Variants in TTN observed in about 807,000 individuals in gnomAD.
TTN encodes connectin.
In TTN, 1,525 loss-of-function variants were observed where a neutral mutation model predicts 3,223.0. That is an observed-to-expected ratio of 0.47 (90% CI 0.45 to 0.49). The LOEUF is 0.49. Ranked by LOEUF, TTN falls within the 20% of genes least tolerant of loss-of-function variation. The pLI is 0.00. For missense variants in TTN, 40,786 were observed against 43,424.0 expected, an observed-to-expected ratio of 0.94 and a Z score of 5.40; for synonymous variants, 14,094 against 15,161.0, an observed-to-expected ratio of 0.93 and a Z score of 5.17.
intron 218 of TTN, chr2:178,644,316 T>A: frequency 2.7e-6 from 1 of 371,560 alleles, no homozygotes; most frequent in Non-Finnish European, 4.8e-6. Flanking sequence ...CAAGAAGACA[T>A]ATGTAGATGA....
chr2:178,636,709 G>T lies in TTN; in HGVS notation c.41018C>A (p.Pro13673Gln). Residue 13673 changes from proline (P) to glutamine (Q), a missense_variant, in exon 225 of 363, where the codon CCG becomes CAG. Coordinates refer to ENST00000589042, the MANE Select transcript of TTN (RefSeq NM_001267550.2). This position sits in a 1 kb window ranked among gnomAD's most constrained non-coding sequence, Gnocchi z 4.3. ...SGGEKPPDEA[P>Q]FTYQLKAVPL... ...CACAGCCTTTAGCTGGTAGGTGAAC[G>T]GGGCTTCATCAGGAGGTTTCTCTCC... The T allele has an allele frequency of 6.2e-7, 1 of 1,613,154 alleles. No homozygotes were observed. Among genetic ancestry groups the T allele is most frequent in the Non-Finnish European group, 8.5e-7 (1 of 1,179,460 alleles).
At chr2:178,789,323 TAATAGGGGATTTCAC>T in intron 13 of TTN, 22 bp downstream of exon 13, 2 of 1,611,680 alleles carry the variant, frequency 1.2e-6, no homozygotes, top group South Asian at 2.2e-5. Context: ...TAATGTATTA[TAATAGGGGATTTCAC>T]ACTTGGAACA....
Position 178,578,122 on chromosome 2 carries a change from A to C in TTN, c.68393T>G (p.Ile22798Arg). Residue 22798 changes from isoleucine to arginine, a missense_variant, in exon 322 of 363, where the codon ATA (isoleucine) becomes AGA (arginine). Transcript: ENST00000589042. ...LLWKRANKTPIRMRDFKVTGL... is the reference protein window; with the variant it reads ...LLWKRANKTPRRMRDFKVTGL... ...TGTCACTTTAAAGTCTCTCATCCTT[A>C]TCGGAGTCTTGTTAGCTCTCTTCCA... 1 of 1,613,214 alleles carries C rather than the reference A, an allele frequency of 6.2e-7. No homozygotes were observed. Among genetic ancestry groups the C allele is most frequent in the Non-Finnish European group, 8.5e-7 (1 of 1,179,434 alleles).
chr2:178,666,763 A>T, intron 163 of TTN, 61 bp downstream of exon 163: 1 of 1,383,540 alleles, frequency 7.2e-7, no homozygotes, highest in Non-Finnish European at 9.8e-7. Context: ...TAGTATTTTT[A>T]CATGTGTTAA....
chr2:178,685,094 A>G (rs1204919919), intron 129 of TTN, 105 bp from the exon 130 acceptor site: 1 of 1,161,190 alleles, frequency 8.6e-7, no homozygotes, highest in East Asian at 2.6e-5. Flanking sequence ...ATATATACAA[A>G]CGTTAATGAC....
chr2:178,576,780 G>C lies in TTN; in HGVS notation c.69464C>G (p.Thr23155Ser), dbSNP rs761306433. ...KPEVSNVTKNTATVSWKRPVD... is the reference protein window; with the variant it reads ...KPEVSNVTKNSATVSWKRPVD... ...TGGCCTTTTCCAGCTGACAGTGGCA[G>C]TGTTCTTAGTGACATTTGATACCTC... Residue 23155 changes from threonine (T) to serine (S), a missense_variant, in exon 325 of 363, where the codon ACT becomes AGT. Thr to Ser is a moderately conservative substitution (Grantham distance 58). Transcript: ENST00000589042. The surrounding 1 kb of genome is among the most constrained non-coding windows in gnomAD (Gnocchi z 4.3). 25 of 1,613,420 alleles carry C rather than the reference G, an allele frequency of 1.5e-5. No individual in the cohort carries two copies. The highest frequency in any genetic ancestry group is 2.1e-5 in the Non-Finnish European group (25 of 1,179,608).
chr2:178,700,723 A>G (rs1179680725), intron 111 of TTN, among the ~76,000 whole-genome samples: 1 of 152,182 alleles, frequency 6.6e-6, no homozygotes, highest in African/African-American at 2.4e-5. Context: ...AATACTATAA[A>G]TTGAGAAAAG....
chr2:178,734,940 G>C lies in TTN; in HGVS notation c.14984C>G (p.Pro4995Arg), dbSNP rs72648927. The C allele has an allele frequency of 8.8e-3, 14,222 of 1,608,326 alleles. 97 individuals carry two copies. Among genetic ancestry groups the C allele is most frequent in the Non-Finnish European group, 9.4e-3 (11,068 of 1,176,800 alleles). ...GCAATGGAGGCGTGCTGATTCACCT[G>C]GGAGCATTAAATAAGAGGGATCCAC... is the stretch of plus-strand genomic sequence containing the variant. ...KKVDPSYLML[P>R]GESARLHCKL... Residue 4995 changes from proline (P) to arginine (R), a missense_variant, in exon 51 of 363, where the codon CCA (proline) becomes CGA (arginine). Physicochemically the swap from Pro to Arg is moderately radical, Grantham distance 103. Transcript: ENST00000589042.
rs184922462 is a variant in TTN at position 178,542,425 on chromosome 2, C to T, written c.97331G>A (p.Arg32444His). The change falls in exon 349 of 363, where the codon CGT (arginine) becomes CAT (histidine). Residue 32444 changes from arginine to histidine, a missense_variant. Physicochemically the swap from Arg to His is conservative, Grantham distance 29. Transcript: ENST00000589042. ...TTCAGAAACGGGCAGCCATCCTGGA[C>T]GATGAGCGTCACGTTGTTCTACCAC... ...GYVVEQRDAH[R>H]PGWLPVSESV... The T allele has an allele frequency of 4.1e-5, 66 of 1,613,538 alleles. No homozygotes were observed. Among genetic ancestry groups the T allele is most frequent in the Admixed American group, 1.0e-4 (6 of 59,986 alleles).
At position 178,573,381 on chromosome 2, in the gene TTN, C is replaced by T; in HGVS notation, c.72751G>A (p.Gly24251Arg). 1 of 1,524,466 alleles carries T rather than the reference C, an allele frequency of 6.6e-7. No homozygotes were observed. Among genetic ancestry groups the T allele is most frequent in the South Asian group, 1.3e-5 (1 of 75,024 alleles). 94.4% of individuals were successfully genotyped at this position (1,524,466 alleles called of 1,614,324 possible). The part of the protein sequence containing the change: ...VCWGHPDSDG[G>R]SEIINYIVER... Reference sequence around the variant, plus strand: ...ACAATATAATTGATGATTTCACTTCCACCATCAGAATCAGGATGTCCCCAG... The same window carrying T: ...ACAATATAATTGATGATTTCACTTCTACCATCAGAATCAGGATGTCCCCAG... The change falls in exon 326 of 363, where the codon GGA becomes AGA. Residue 24251 changes from glycine (G) to arginine (R), a missense_variant. Gly to Arg is a moderately radical substitution (Grantham distance 125). Coordinates refer to ENST00000589042, the MANE Select transcript of TTN (RefSeq NM_001267550.2).
chr2:178,536,292 G>GA lies in TTN; in HGVS notation c.100454dup (p.Thr33486HisfsTer5). 1 of 1,613,644 alleles carries GA rather than the reference G, an allele frequency of 6.2e-7. No individual in the cohort carries two copies. Among genetic ancestry groups the GA allele is most frequent in the African/African-American group, 1.3e-5 (1 of 75,028 alleles). On this transcript the variant is annotated frameshift_variant, in exon 357 of 363. Coordinates refer to ENST00000589042, the MANE Select transcript of TTN (RefSeq NM_001267550.2). LOFTEE classifies it high-confidence loss of function. ...GAATTGGGACATCAGATTTGGGAGT[G>GA]ATGGGTTCTGATATTTCACTCCATT...
Position 178,533,549 on chromosome 2 carries a change from G to A in TTN, c.103066C>T (p.Pro34356Ser). Residue 34356 changes from proline to serine, a missense_variant, in exon 358 of 363, where the codon CCA (proline) becomes TCA (serine). Transcript: ENST00000589042. ...AKLTVTLHPP[P>S]TDSTLRPMFK... ...ATGGGTCTTAAGGTACTATCTGTTG[G>A]AGGTGGGTGTAGGGTTACTGTCAGC... The A allele has an allele frequency of 6.2e-7, 1 of 1,613,924 alleles. No homozygotes were observed. Among genetic ancestry groups the A allele is most frequent in the Admixed American group, 1.7e-5 (1 of 60,012 alleles).
At chr2:178,619,585 G>C (rs1174912395) in intron 250 of TTN, 36 bp downstream of exon 250, 1 of 1,597,996 alleles carries the variant, frequency 6.3e-7, no homozygotes, top group Non-Finnish European at 8.5e-7. Flanking sequence ...TAAACTCTGT[G>C]ATATTGGAAG....
At chr2:178,718,291 G>C (rs746566411) in intron 85 of TTN, 31 bp downstream of exon 85, 11 of 1,602,600 alleles carry the variant, frequency 6.9e-6, no homozygotes, top group Non-Finnish European at 9.4e-6. Flanking sequence ...AAAAGAAAGA[G>C]AGCAATAAAA....
chr2:178,750,102 A>C, intron 47 of TTN: 1 of 1,613,188 alleles, frequency 6.2e-7, no homozygotes, highest in East Asian at 2.2e-5. Context: ...ACAGGAAAGG[A>C]AAGCAATTCT....
At position 178,608,644 on chromosome 2, in the gene TTN, G is replaced by T; in HGVS notation, c.52367C>A (p.Pro17456Gln). Residue 17456 changes from proline (P) to glutamine (Q), a missense_variant, in exon 274 of 363, where the codon CCA (proline) becomes CAA (glutamine). Coordinates refer to ENST00000589042, the MANE Select transcript of TTN (RefSeq NM_001267550.2). ...AGCCACAAGTGGCTTTGAAACACAT[G>T]GTGGACCTGGCCCAAATCTGTTTTC... ...RAENRFGPGPPCVSKPLVAKD... is the reference protein window; with the variant it reads ...RAENRFGPGPQCVSKPLVAKD... The T allele has an allele frequency of 6.2e-7, 1 of 1,611,810 alleles. No individual in the cohort carries two copies. Among genetic ancestry groups the T allele is most frequent in the East Asian group, 2.2e-5 (1 of 44,510 alleles).
chr2:178,779,505 C>T (rs1179919726), intron 22 of TTN, 43 bp from the exon 23 acceptor site: 1 of 1,213,138 alleles, frequency 8.2e-7, no homozygotes. Context: ...CATATCCTTA[C>T]TGATATAAAT....
chr2:178,780,016 G>C lies in TTN; in HGVS notation c.3713C>G (p.Thr1238Ser), dbSNP rs147020824. The part of the protein sequence containing the change: ...KMAKDTVVVR[T>S]YVEDQEFHIS... Reference sequence around the variant, plus strand: ...TATACTCACCTGATCTTCTACATAAGTTCTGACCACTACAGTATCTTTGGC... The same window carrying C: ...TATACTCACCTGATCTTCTACATAACTTCTGACCACTACAGTATCTTTGGC... Residue 1238 changes from threonine to serine, a missense_variant, in exon 22 of 363, where the codon ACT (threonine) becomes AGT (serine). Coordinates refer to ENST00000589042, the MANE Select transcript of TTN (RefSeq NM_001267550.2). The C allele has an allele frequency of 6.2e-7, 1 of 1,612,646 alleles. No homozygotes were observed. The highest frequency in any genetic ancestry group is 8.5e-7 in the Non-Finnish European group (1 of 1,179,722).
chr2:178,612,188 G>T, intron 266 of TTN, 26 bp from the exon 267 acceptor site: 1 of 1,605,582 alleles, frequency 6.2e-7, no homozygotes. Flanking sequence ...ACAATGATTA[G>T]GAAAACCAGA....
Sources: allele counts gnomAD v4.1 joint callset (sites outside exome capture counted in the v4.1 genomes callset), GRCh38; gene constraint gnomAD v4.1.1; non-coding constraint Gnocchi (gnomAD v3.1); transcripts MANE v1.5; gene names NCBI Gene and HGNC (gene_info 2026-07-23, HGNC 2026-07-21).